MARCHF1: variants seen among roughly 807,000 people sequenced by gnomAD.
MARCHF1 encodes E3 ubiquitin-protein ligase MARCHF1.
A neutral mutation model predicts 54.2 loss-of-function variants in MARCHF1; 40 were observed. The observed-to-expected ratio is 0.74, with a 90% CI of 0.57 to 0.96. MARCHF1 has a LOEUF of 0.96. MARCHF1 is among the 40% of genes least tolerant of loss of function. The pLI, the probability that MARCHF1 is intolerant of heterozygous loss-of-function variation, is 0.00. For synonymous variants in MARCHF1, 236 were observed against 236.3 expected (o/e 1.00, Z 0.01); for missense variants, 586 against 656.5 (o/e 0.89, Z 1.17).
chr4:163,959,346 C>CA (rs1222553997), intron 3 of MARCHF1, among the ~76,000 whole-genome samples: 3 of 149,614 alleles, frequency 2.0e-5, no homozygotes, highest in African/African-American at 4.9e-5. Context: ...AAAAAAACAA[C>CA]AAAAAAACAA....
At chr4:164,347,984 T>A (rs1192849659) in intron 1 of MARCHF1, among the ~76,000 whole-genome samples, 2 of 152,160 alleles carry the variant, frequency 1.3e-5, no homozygotes, top group African/African-American at 4.8e-5. Flanking sequence ...CCTAATCCTA[T>A]CAGACTTTAA....
intron 8 of MARCHF1, among the ~76,000 whole-genome samples, chr4:163,565,211 A>G (rs1309726330): frequency 6.6e-6 from 1 of 152,176 alleles, no homozygotes; most frequent in Non-Finnish European, 1.5e-5. Flanking sequence ...GCAGGCCATA[A>G]ATGCTATGGG....
chr4:163,733,015 G>A (rs1167665358), intron 4 of MARCHF1, among the ~76,000 whole-genome samples: 2 of 150,420 alleles, frequency 1.3e-5, no homozygotes, highest in Non-Finnish European at 3.0e-5. Flanking sequence ...AGCCAGGCAT[G>A]GTGGCAGATG....
At chr4:164,007,660 G>C (rs1397809012) in intron 2 of MARCHF1, among the ~76,000 whole-genome samples, 235 of 149,956 alleles carry the variant, frequency 1.6e-3, no homozygotes, top group Middle Eastern at 3.4e-3. Flanking sequence ...GTGTGTGTGT[G>C]TGTGTGTGTG....
chr4:163,733,205 A>ACACACG lies in MARCHF1; in HGVS notation c.112-32343_112-32342insCGTGTG, dbSNP rs775632717. ...TATATATATATATATATATATATAT[A>ACACACG]TATATATATATATATACACGTGTAT... is the stretch of plus-strand genomic sequence containing the variant. On this transcript the variant is annotated intron_variant, in intron 4 of 9. Coordinates refer to ENST00000514618, the MANE Select transcript of MARCHF1 (RefSeq NM_001394959.1). Among the ~76,000 whole-genome samples, 8 of 33,232 alleles carry ACACACG rather than the reference A, an allele frequency of 2.4e-4. 1 individual carries two copies. Among genetic ancestry groups the ACACACG allele is most frequent in the African/African-American group, 4.5e-4 (7 of 15,574 alleles). The allele number at this position is 33,232 out of a possible 152,430, so 21.8% of individuals were successfully genotyped here.
At chr4:164,288,842 T>C (rs1304196049) in intron 1 of MARCHF1, among the ~76,000 whole-genome samples, 1 of 152,080 alleles carries the variant, frequency 6.6e-6, no homozygotes, top group Non-Finnish European at 1.5e-5. Context: ...CAGAAATCTT[T>C]GGCATTTGTT....
chr4:163,661,444 C>T (rs966035827), intron 5 of MARCHF1, among the ~76,000 whole-genome samples: 5 of 152,032 alleles, frequency 3.3e-5, no homozygotes, highest in African/African-American at 1.2e-4. Flanking sequence ...ACTTTCTTTG[C>T]CATCATTCTG....
rs575466108 is a variant in MARCHF1 at position 163,727,550 on chromosome 4, C to G, written c.112-26687G>C. 2.6e-5 allele frequency among the ~76,000 whole-genome samples: 4 copies of G among 152,188 alleles called. No individual in the cohort carries two copies. In the East Asian group the frequency reaches 7.7e-4, roughly 29 times the overall value. ...TTGATCTCCTGACCTTGTGATCTGC[C>G]CACCTCGGCCTCCCAAAGTGCTGGG... On this transcript the variant is annotated intron_variant, in intron 4 of 9. Transcript: ENST00000514618.
At chr4:164,164,297 T>C (rs146845803) in intron 1 of MARCHF1, among the ~76,000 whole-genome samples, 1 of 151,972 alleles carries the variant, frequency 6.6e-6, no homozygotes, top group Non-Finnish European at 1.5e-5. Flanking sequence ...GACCAAAAGT[T>C]AGTGCTTTGA....
intron 3 of MARCHF1, among the ~76,000 whole-genome samples, chr4:163,877,446 T>C (rs997403567): frequency 6.6e-6 from 1 of 150,800 alleles, no homozygotes; most frequent in Non-Finnish European, 1.5e-5. Context: ...TAGTTTGCAC[T>C]TGGGTGTGGG....
intron 5 of MARCHF1, among the ~76,000 whole-genome samples, chr4:163,659,378 C>T (rs998253744): frequency 1.3e-5 from 2 of 152,026 alleles, no homozygotes; most frequent in Non-Finnish European, 2.9e-5. Flanking sequence ...GGACCCCTTC[C>T]TTACACCTTA....
At chr4:164,087,497 T>C (rs937598825) in intron 2 of MARCHF1, among the ~76,000 whole-genome samples, 1 of 151,836 alleles carries the variant, frequency 6.6e-6, no homozygotes, top group Admixed American at 6.6e-5. Context: ...AAACAGAAAA[T>C]AGATAGTCAG....
intron 2 of MARCHF1, among the ~76,000 whole-genome samples, chr4:164,039,882 A>G (rs904962612): frequency 1.3e-5 from 2 of 151,272 alleles, no homozygotes; most frequent in Non-Finnish European, 3.0e-5. Context: ...ACCTTATGAC[A>G]TTTCACACTT....
chr4:163,961,005 C>A (rs1752336577), intron 3 of MARCHF1, among the ~76,000 whole-genome samples: 1 of 151,722 alleles, frequency 6.6e-6, no homozygotes, highest in South Asian at 2.1e-4. Context: ...GTGGAGAGTT[C>A]CCTGATGTCT....
At chr4:164,167,346 TC>T (rs1730409009) in intron 1 of MARCHF1, among the ~76,000 whole-genome samples, 2 of 151,792 alleles carry the variant, frequency 1.3e-5, no homozygotes, top group African/African-American at 4.8e-5. Flanking sequence ...TGTTAAAATG[TC>T]CTCCCTACCC....
chr4:163,660,434 A>G (rs1208267433), intron 5 of MARCHF1, among the ~76,000 whole-genome samples: 1 of 152,014 alleles, frequency 6.6e-6, no homozygotes, highest in Non-Finnish European at 1.5e-5. Flanking sequence ...GGAGAGCATT[A>G]GGACAAAGAC....
chr4:163,963,467 T>C (rs140126817), intron 3 of MARCHF1, among the ~76,000 whole-genome samples: 165 of 152,044 alleles, frequency 1.1e-3, no homozygotes, highest in African/African-American at 3.7e-3. Context: ...AGGGAAGTTT[T>C]ATGGATCATT....
At chr4:163,929,742 T>A (rs1751614250) in intron 3 of MARCHF1, among the ~76,000 whole-genome samples, 1 of 150,758 alleles carries the variant, frequency 6.6e-6, no homozygotes, top group Non-Finnish European at 1.5e-5. Context: ...CTCCTCAGGT[T>A]AAGTGATTTG....
intron 1 of MARCHF1, among the ~76,000 whole-genome samples, chr4:164,309,556 G>A (rs186227911): frequency 6.6e-6 from 1 of 152,142 alleles, no homozygotes; most frequent in African/African-American, 2.4e-5. Flanking sequence ...GGCTGTGGTG[G>A]CATCATGATT....
Sources: gnomAD v4.1 joint callset for allele counts (sites outside exome capture counted in the v4.1 genomes callset) on GRCh38, gnomAD v4.1.1 for gene constraint, MANE v1.5 for transcripts, NCBI Gene and HGNC (gene_info 2026-07-23, HGNC 2026-07-21) for gene names.